Variants in KIAA1549L observed in about 807,000 individuals in gnomAD.
The protein encoded by KIAA1549L is KIAA1549 like.
Under a neutral mutation model 160.7 loss-of-function variants are expected in KIAA1549L, and 88 were observed. The observed-to-expected ratio is 0.55, with a 90% CI of 0.46 to 0.65. The LOEUF (loss-of-function observed/expected upper bound fraction) is 0.65. Among genes scored for constraint, KIAA1549L ranks in the 30% least tolerant of loss-of-function variants. KIAA1549L has a pLI of 0.00. For synonymous variants in KIAA1549L, 950 were observed against 976.7 expected (o/e 0.97, Z 0.51); for missense variants, 2,258 against 2,437.5 (o/e 0.93, Z 1.55).
At chr11:33,578,260 G>T (rs1371392895) in intron 10 of KIAA1549L, among the ~76,000 whole-genome samples, 2 of 152,146 alleles carry the variant, frequency 1.3e-5, no homozygotes, top group African/African-American at 4.8e-5. Flanking sequence ...GAGTCTGGGA[G>T]GTGAGGGATG....
chr11:33,422,123 A>G (rs956985700), intron 1 of KIAA1549L, among the ~76,000 whole-genome samples: 18 of 151,900 alleles, frequency 1.2e-4, no homozygotes, highest in African/African-American at 3.9e-4. Context: ...GCCTCTCTCC[A>G]TGCCCCTTTA....
rs148790747 is a variant in KIAA1549L, at chr11:33,466,093, C to G, written c.239-75709C>G. 2.2e-3 allele frequency among the ~76,000 whole-genome samples: 341 copies of G among 152,258 alleles called. 5 individuals carry two copies. The highest frequency in any genetic ancestry group is 0.019 in the Admixed American group (287 of 15,292). On this transcript the variant is annotated intron_variant, in intron 1 of 20. Coordinates refer to ENST00000658780, the MANE Select transcript of KIAA1549L (RefSeq NM_012194.3). ...CTTTTCCCACCCCTCACCTCTTTCT[C>G]TACCAGCTGCTGCTTCTCCAAATAA...
chr11:33,652,209 G>A (rs913246745), intron 17 of KIAA1549L, among the ~76,000 whole-genome samples: 7 of 151,904 alleles, frequency 4.6e-5, no homozygotes, highest in Admixed American at 3.9e-4. Context: ...TCACAGAGCA[G>A]CCAGGAGAGA....
intron 1 of KIAA1549L, among the ~76,000 whole-genome samples, chr11:33,427,497 C>G (rs1349019568): frequency 1.3e-5 from 2 of 152,136 alleles, no homozygotes; most frequent in African/African-American, 4.8e-5. Context: ...CCATGCATCC[C>G]CCTTCGCTGC....
intron 16 of KIAA1549L, among the ~76,000 whole-genome samples, chr11:33,625,700 T>C (rs1269788217): frequency 6.6e-6 from 1 of 152,136 alleles, no homozygotes; most frequent in Non-Finnish European, 1.5e-5. Context: ...TTCTCCCATT[T>C]TGTAGGTTGC....
At chr11:33,565,654 C>T (rs1342435939) in intron 8 of KIAA1549L, among the ~76,000 whole-genome samples, 2 of 151,530 alleles carry the variant, frequency 1.3e-5, no homozygotes, top group African/African-American at 2.4e-5. Flanking sequence ...TCCAGTTGAT[C>T]CCCTGTAACT....
chr11:33,640,442 C>G (rs1322058101), intron 16 of KIAA1549L, among the ~76,000 whole-genome samples: 1 of 152,234 alleles, frequency 6.6e-6, no homozygotes, highest in South Asian at 2.1e-4. Flanking sequence ...TTCTGCCTCT[C>G]ATTGCCCATC....
intron 1 of KIAA1549L, among the ~76,000 whole-genome samples, chr11:33,380,972 A>G (rs1463874661): frequency 1.3e-5 from 2 of 151,932 alleles, no homozygotes; most frequent in Non-Finnish European, 2.9e-5. Context: ...CTGAGGTAAC[A>G]GTAATGAACA....
intron 20 of KIAA1549L, among the ~76,000 whole-genome samples, chr11:33,666,323 G>A (rs975606779): frequency 1.3e-5 from 2 of 152,206 alleles, no homozygotes; most frequent in African/African-American, 4.8e-5. Flanking sequence ...CCCTGCTGCA[G>A]CCAGTATGAT....
At chr11:33,473,171 G>A (rs1852215502) in intron 1 of KIAA1549L, among the ~76,000 whole-genome samples, 1 of 152,188 alleles carries the variant, frequency 6.6e-6, no homozygotes, top group Non-Finnish European at 1.5e-5. Context: ...CCATCAAATA[G>A]TTATTGAATG....
intron 1 of KIAA1549L, among the ~76,000 whole-genome samples, chr11:33,382,809 C>T (rs1461769985): frequency 6.6e-6 from 1 of 152,030 alleles, no homozygotes; most frequent in Non-Finnish European, 1.5e-5. Context: ...GGGAGGAGTC[C>T]CTGGCACCCT....
Position 33,573,944 on chromosome 11 carries a change from C to T in KIAA1549L, c.4231-758C>T, listed in dbSNP as rs551072793. The stretch of plus-strand genomic sequence containing the variant: ...CATCAGAATGCCATGTAAAAATAAA[C>T]GTTTATGCTTTTGTTATATTTAAGG... On this transcript the variant is annotated intron_variant, in intron 9 of 20. Coordinates refer to ENST00000658780, the MANE Select transcript of KIAA1549L (RefSeq NM_012194.3). 8.4e-4 allele frequency among the ~76,000 whole-genome samples: 127 copies of T among 152,048 alleles called. 1 individual carries two copies. The highest frequency in any genetic ancestry group is 2.9e-3 in the African/African-American group (119 of 41,458).
At chr11:33,394,799 C>G (rs776091670) in intron 1 of KIAA1549L, among the ~76,000 whole-genome samples, 6 of 152,212 alleles carry the variant, frequency 3.9e-5, no homozygotes, top group East Asian at 1.9e-4. Flanking sequence ...ATTCGGGGAC[C>G]CAGGGTCCTT....
chr11:33,659,299 A>C (rs1188885811), intron 19 of KIAA1549L, among the ~76,000 whole-genome samples: 2 of 152,258 alleles, frequency 1.3e-5, no homozygotes, highest in Non-Finnish European at 2.9e-5. Flanking sequence ...ATAACAGTAT[A>C]TATTAATGTT....
At position 33,671,468 on chromosome 11, in the gene KIAA1549L, T is replaced by G. The variant is rs1052490413; in HGVS notation, c.*3314T>G. ...GTAGATTATGTAAGAATCAATTCCC[T>G]GGTCCCAGGAGAAGTTTTATTGTGA... On this transcript the variant is annotated 3_prime_UTR_variant, in exon 21 of 21. Transcript: ENST00000658780. The G allele has an allele frequency of 1.3e-5, 2 of 151,692 alleles. No homozygotes were observed. Among genetic ancestry groups the G allele is most frequent in the African/African-American group, 4.8e-5 (2 of 41,248 alleles). The allele number at this position is 151,692 out of a possible 1,614,324, so 9.4% of individuals were successfully genotyped here.
At chr11:33,453,036 T>G (rs1377265249) in intron 1 of KIAA1549L, among the ~76,000 whole-genome samples, 3 of 152,220 alleles carry the variant, frequency 2.0e-5, no homozygotes, top group African/African-American at 7.2e-5. Flanking sequence ...GACTTAGACT[T>G]TTAAGATTCT....
intron 17 of KIAA1549L, 35 bp downstream of exon 17, chr11:33,646,071 G>A: frequency 6.7e-7 from 1 of 1,484,256 alleles, no homozygotes; most frequent in Non-Finnish European, 9.1e-7. Flanking sequence ...GCCATCATCT[G>A]GTCAGTCTGC....
chr11:33,548,821 T>A (rs17339350), intron 4 of KIAA1549L, among the ~76,000 whole-genome samples: 3 of 152,200 alleles, frequency 2.0e-5, no homozygotes, highest in Non-Finnish European at 4.4e-5. Flanking sequence ...CTGTGGCTTC[T>A]TCTTTTGATG....
In KIAA1549L at chr11:33,606,693, G is replaced by A; in HGVS notation, c.4932G>A (p.Lys1644=). The A allele has an allele frequency of 6.2e-7, 1 of 1,614,000 alleles. No individual in the cohort carries two copies. Among genetic ancestry groups the A allele is most frequent in the South Asian group, 1.1e-5 (1 of 91,084 alleles). The change falls in exon 14 of 21, where the codon AAG becomes AAA. Residue 1644 remains lysine, a synonymous_variant. Transcript: ENST00000658780. ...CGGTTCTATTTGACAACTCCAGCAA[G>A]GTGGCCGCTGAACCCTTTGACACAT... is the stretch of plus-strand genomic sequence containing the variant. ...EGAVLFDNSS[K]VAAEPFDTSS...
Sources: allele counts gnomAD v4.1 joint callset (sites outside exome capture counted in the v4.1 genomes callset), GRCh38; gene constraint gnomAD v4.1.1; transcripts MANE v1.5; gene names NCBI Gene and HGNC (gene_info 2026-07-23, HGNC 2026-07-21).